MAML3: variants seen among roughly 807,000 people sequenced by gnomAD.
MAML3 encodes mastermind-like protein 3.
Under a neutral mutation model 101.9 loss-of-function variants are expected in MAML3, and 27 were observed. That is an observed-to-expected ratio of 0.27 (90% CI 0.20 to 0.37). The LOEUF is 0.37. Ranked by LOEUF, MAML3 falls within the 10% of genes least tolerant of loss-of-function variation. The pLI, the probability that MAML3 is intolerant of heterozygous loss-of-function variation, is 1.00. For synonymous variants in MAML3, 501 were observed against 555.9 expected (o/e 0.90, Z 1.39); for missense variants, 1,316 against 1,444.9 (o/e 0.91, Z 1.45).
chr4:139,810,504 A>G (rs1730777892), intron 2 of MAML3, among the ~76,000 whole-genome samples: 1 of 152,098 alleles, frequency 6.6e-6, no homozygotes, highest in South Asian at 2.1e-4. Flanking sequence ...ATTAATTTTT[A>G]TCAATATATA....
intron 2 of MAML3, chr4:139,889,080 G>C: frequency 1.7e-6 from 1 of 578,706 alleles, no homozygotes; most frequent in East Asian, 4.1e-5. Flanking sequence ...CTCCCTCAGA[G>C]TGAGAATTTT....
intron 1 of MAML3, among the ~76,000 whole-genome samples, chr4:139,952,905 A>C (rs1733855553): frequency 6.6e-6 from 1 of 152,204 alleles, no homozygotes; most frequent in South Asian, 2.1e-4. Context: ...GAGGAGCTAC[A>C]AGGTGGAAGG....
At chr4:140,075,535 ATTATT>A (rs1301855248) in intron 1 of MAML3, among the ~76,000 whole-genome samples, 1 of 152,092 alleles carries the variant, frequency 6.6e-6, no homozygotes, top group African/African-American at 2.4e-5. Flanking sequence ...ATAGATACAT[ATTATT>A]TTATTTTATT....
At chr4:139,999,887 G>A (rs574353138) in intron 1 of MAML3, among the ~76,000 whole-genome samples, 3 of 152,178 alleles carry the variant, frequency 2.0e-5, no homozygotes, top group African/African-American at 7.2e-5. Flanking sequence ...AATGACCCAC[G>A]ATTCACAGAT....
chr4:139,963,221 C>G (rs145707946), intron 1 of MAML3, among the ~76,000 whole-genome samples: 133 of 152,264 alleles, frequency 8.7e-4, no homozygotes, highest in African/African-American at 3.1e-3. Flanking sequence ...GAGTTCAAGA[C>G]TAGCTTGGGC....
chr4:139,835,301 G>A (rs1175437299), intron 2 of MAML3, among the ~76,000 whole-genome samples: 1 of 152,232 alleles, frequency 6.6e-6, no homozygotes, highest in Non-Finnish European at 1.5e-5. Flanking sequence ...TTTAGTTTAT[G>A]CCTCAGGGCG....
intron 2 of MAML3, among the ~76,000 whole-genome samples, chr4:139,872,190 A>C (rs150556543): frequency 2.4e-4 from 37 of 152,298 alleles, no homozygotes; most frequent in African/African-American, 8.4e-4. Flanking sequence ...ATAAACGGGA[A>C]TCTGTATGCT....
intron 2 of MAML3, among the ~76,000 whole-genome samples, chr4:139,815,827 C>T (rs1416906079): frequency 6.6e-6 from 1 of 152,152 alleles, no homozygotes; most frequent in East Asian, 1.9e-4. Context: ...GCCTTGCCTA[C>T]AATTCATCTT....
At chr4:140,003,517 G>T (rs1266273279) in intron 1 of MAML3, among the ~76,000 whole-genome samples, 1 of 152,152 alleles carries the variant, frequency 6.6e-6, no homozygotes, top group Non-Finnish European at 1.5e-5. Context: ...AGGCCAATAT[G>T]ATTCAACTCG....
At chr4:139,837,896 T>C (rs769686610) in intron 2 of MAML3, among the ~76,000 whole-genome samples, 15 of 152,054 alleles carry the variant, frequency 9.9e-5, no homozygotes, top group Non-Finnish European at 1.6e-4. Context: ...CTCCAGCCTG[T>C]GCTACAGAGT....
intron 1 of MAML3, among the ~76,000 whole-genome samples, chr4:140,098,318 T>A (rs1186148178): frequency 6.6e-6 from 1 of 152,162 alleles, no homozygotes; most frequent in Non-Finnish European, 1.5e-5. Flanking sequence ...AGACCTTGTT[T>A]TCTTCATCTG....
chr4:139,889,010 A>T (rs958558000), intron 2 of MAML3, among the ~76,000 whole-genome samples: 2 of 152,178 alleles, frequency 1.3e-5, no homozygotes, highest in Non-Finnish European at 2.9e-5. Flanking sequence ...GGATCATGCA[A>T]GCTGGGAGAG....
At chr4:140,045,394 CAAA>C (rs3081944) in intron 1 of MAML3, among the ~76,000 whole-genome samples, 46 of 98,708 alleles carry the variant, frequency 4.7e-4, no homozygotes, top group Non-Finnish European at 5.2e-4. Flanking sequence ...GACTCCAACT[CAAA>C]AAAAAAAAAA....
chr4:139,931,112 G>A (rs1733384871), intron 1 of MAML3, among the ~76,000 whole-genome samples: 1 of 152,238 alleles, frequency 6.6e-6, no homozygotes, highest in East Asian at 1.9e-4. Context: ...AGGACTGACT[G>A]TACAATTTGT....
intron 1 of MAML3, among the ~76,000 whole-genome samples, chr4:139,928,165 C>T (rs1271923419): frequency 6.6e-6 from 1 of 152,220 alleles, no homozygotes; most frequent in Non-Finnish European, 1.5e-5. Context: ...CTTCTCCTTT[C>T]TGTATCCATA....
At position 139,912,706 on chromosome 4, in the gene MAML3, C is replaced by T. The variant is rs144759638; in HGVS notation, c.469-21739G>A. Among the ~76,000 whole-genome samples the T allele has an allele frequency of 8.4e-3, 1,287 of 152,340 alleles. 25 individuals carry two copies. The highest frequency in any genetic ancestry group is 0.029 in the African/African-American group (1,215 of 41,570). On this transcript the variant is annotated intron_variant, in intron 1 of 4. Coordinates refer to ENST00000509479, the MANE Select transcript of MAML3 (RefSeq NM_018717.5). ...GGAGAGTGCCGTTTGACGGCGGAGG[C>T]AGAGACTGGAGTTACGCAGCTGCAA... is the stretch of plus-strand genomic sequence containing the variant.
chr4:139,993,122 C>T lies in MAML3; in HGVS notation c.469-102155G>A, dbSNP rs374639481. ...ATCCCAGCACTTTGGGAGGCTGAGG[C>T]GGGCAGATCTCTTGAAGTCAGGAGT... is the stretch of plus-strand genomic sequence containing the variant. On this transcript the variant is annotated intron_variant, in intron 1 of 4. Coordinates refer to ENST00000509479, the MANE Select transcript of MAML3 (RefSeq NM_018717.5). Among the ~76,000 whole-genome samples, 14 of 151,830 alleles carry T rather than the reference C, an allele frequency of 9.2e-5. No homozygotes were observed. In the East Asian group the frequency reaches 2.0e-3, roughly 21 times the overall value.
At chr4:139,722,405 AAGG>A (rs1728272385) in intron 4 of MAML3, among the ~76,000 whole-genome samples, 1 of 152,224 alleles carries the variant, frequency 6.6e-6, no homozygotes, top group Non-Finnish European at 1.5e-5. Flanking sequence ...AGATGTGTCC[AAGG>A]AATTAACTTG....
At chr4:139,876,853 A>C (rs569907442) in intron 2 of MAML3, among the ~76,000 whole-genome samples, 8 of 152,304 alleles carry the variant, frequency 5.3e-5, no homozygotes, top group African/African-American at 1.9e-4. Flanking sequence ...TCTACACCCA[A>C]GGCAATCTTT....
Sources: gnomAD v4.1 joint callset for allele counts (sites outside exome capture counted in the v4.1 genomes callset) on GRCh38, gnomAD v4.1.1 for gene constraint, MANE v1.5 for transcripts, NCBI Gene and HGNC (gene_info 2026-07-23, HGNC 2026-07-21) for gene names.